Variants in HTR1F observed in about 807,000 individuals in gnomAD.
The protein encoded by HTR1F is 5-hydroxytryptamine (serotonin) receptor 1F, G protein-coupled.
A neutral mutation model predicts 24.0 loss-of-function variants in HTR1F; 17 were observed. The ratio of observed to expected loss-of-function variants is 0.71; its 90% confidence interval spans 0.48 to 1.06. The LOEUF (loss-of-function observed/expected upper bound fraction) is 1.06, where lower values mean the gene tolerates loss of function less well. Ranked by LOEUF, HTR1F falls within the 50% of genes least tolerant of loss-of-function variation. The pLI is 0.00. For synonymous variants in HTR1F, 186 were observed against 156.8 expected (o/e 1.19, Z -1.39); for missense variants, 391 against 427.8 (o/e 0.91, Z 0.76).
chr3:87,958,623 T>A (rs1428398070), intron 2 of HTR1F, among the ~76,000 whole-genome samples: 1 of 151,712 alleles, frequency 6.6e-6, no homozygotes, highest in Non-Finnish European at 1.5e-5. Flanking sequence ...AGATTGCTAA[T>A]GACTTTCTAA....
chr3:87,907,203 T>C (rs1463564479), intron 2 of HTR1F, among the ~76,000 whole-genome samples: 1 of 151,646 alleles, frequency 6.6e-6, no homozygotes, highest in Non-Finnish European at 1.5e-5. Flanking sequence ...ATTTATTTTT[T>C]TTTTTGATTA....
chr3:87,889,520 C>T (rs372366013), intron 2 of HTR1F, among the ~76,000 whole-genome samples: 9 of 151,856 alleles, frequency 5.9e-5, no homozygotes, highest in African/African-American at 2.2e-4. Context: ...TTTTTTCCTC[C>T]AAATTAGGAC....
intron 2 of HTR1F, among the ~76,000 whole-genome samples, chr3:87,937,377 T>G (rs1704450641): frequency 6.6e-6 from 1 of 152,174 alleles, no homozygotes; most frequent in South Asian, 2.1e-4. Flanking sequence ...ACGACATGAT[T>G]GTCTCAGTAG....
At chr3:87,877,916 C>T (rs1262458578) in intron 2 of HTR1F, among the ~76,000 whole-genome samples, 2 of 152,154 alleles carry the variant, frequency 1.3e-5, no homozygotes, top group African/African-American at 4.8e-5. Context: ...TCCAGACCTC[C>T]CACACAATGA....
At chr3:87,800,656 G>A (rs1313745667) in intron 1 of HTR1F, among the ~76,000 whole-genome samples, 1 of 152,158 alleles carries the variant, frequency 6.6e-6, no homozygotes, top group African/African-American at 2.4e-5. Context: ...GTAGTGCTCA[G>A]CACAAACAGC....
intron 2 of HTR1F, among the ~76,000 whole-genome samples, chr3:87,913,541 A>G (rs370034459): frequency 3.3e-5 from 5 of 152,316 alleles, no homozygotes; most frequent in Admixed American, 6.5e-5. Flanking sequence ...AAAGACCTAA[A>G]AATAGAAATA....
intron 2 of HTR1F, among the ~76,000 whole-genome samples, chr3:87,944,337 G>A (rs1704644336): frequency 6.6e-6 from 1 of 152,208 alleles, no homozygotes; most frequent in Non-Finnish European, 1.5e-5. Context: ...GATTGAGATA[G>A]TCTTTTTTGA....
At chr3:87,837,204 A>C (rs1704700735) in intron 2 of HTR1F, among the ~76,000 whole-genome samples, 1 of 152,160 alleles carries the variant, frequency 6.6e-6, no homozygotes, top group Admixed American at 6.6e-5. Context: ...AAAGAAGAAA[A>C]GGAATTTAGC....
At chr3:87,913,097 T>A (rs1703817099) in intron 2 of HTR1F, among the ~76,000 whole-genome samples, 1 of 152,110 alleles carries the variant, frequency 6.6e-6, no homozygotes, top group Admixed American at 6.6e-5. Flanking sequence ...TCGGACCTAA[T>A]TAAATTTAAG....
At chr3:87,934,275 T>A (rs949065731) in intron 2 of HTR1F, among the ~76,000 whole-genome samples, 2 of 152,200 alleles carry the variant, frequency 1.3e-5, no homozygotes, top group Non-Finnish European at 2.9e-5. Context: ...GAGTTTAACA[T>A]TGCCAAGCAC....
intron 1 of HTR1F, among the ~76,000 whole-genome samples, chr3:87,818,042 G>C (rs1003954295): frequency 1.2e-4 from 18 of 152,186 alleles, no homozygotes; most frequent in African/African-American, 3.9e-4. Context: ...ATCCTTGGTT[G>C]TTTTAATGAA....
chr3:87,882,689 A>C (rs1459583969), intron 2 of HTR1F, among the ~76,000 whole-genome samples: 8 of 123,170 alleles, frequency 6.5e-5, no homozygotes, highest in East Asian at 5.0e-4. Flanking sequence ...GGAACATCAC[A>C]CTCTGGGGAC....
intron 2 of HTR1F, among the ~76,000 whole-genome samples, chr3:87,978,642 A>G (rs1705452115): frequency 6.6e-6 from 1 of 151,880 alleles, no homozygotes; most frequent in African/African-American, 2.4e-5. Flanking sequence ...GGAGTCCAGG[A>G]GTGGATAGCT....
chr3:87,821,116 A>T (rs1201975659), intron 1 of HTR1F, among the ~76,000 whole-genome samples: 3 of 152,182 alleles, frequency 2.0e-5, no homozygotes. Context: ...AATACTAAAT[A>T]ATGAATGATG....
intron 2 of HTR1F, among the ~76,000 whole-genome samples, chr3:87,972,642 A>G (rs1377635961): frequency 6.6e-6 from 1 of 152,066 alleles, no homozygotes; most frequent in African/African-American, 2.4e-5. Flanking sequence ...AATCCCTTCT[A>G]AACCTCCTTT....
intron 2 of HTR1F, among the ~76,000 whole-genome samples, chr3:87,957,061 A>G: frequency 6.6e-6 from 1 of 151,306 alleles, no homozygotes; most frequent in Admixed American, 6.6e-5. Context: ...AGACTTTCAC[A>G]AGGAAACAGG....
At chr3:87,863,970 T>C (rs1705369667) in intron 2 of HTR1F, among the ~76,000 whole-genome samples, 1 of 152,206 alleles carries the variant, frequency 6.6e-6, no homozygotes. Flanking sequence ...TTCTAATGTC[T>C]AGAAGCTGCC....
rs2016224 is a variant in HTR1F at position 87,992,500 on chromosome 3, G to A, written c.*650G>A. The A allele has an allele frequency of 0.57, 95,653 of 166,740 alleles. 27,996 individuals carry two copies. The highest frequency in any genetic ancestry group is 0.73 in the South Asian group (3,537 of 4,820). 10.3% of individuals were successfully genotyped at this position (166,740 alleles called of 1,614,324 possible). On this transcript the variant is annotated 3_prime_UTR_variant, in exon 3 of 3. Transcript: ENST00000319595. ...AATACTGAACTTGTGCATATTTAAT[G>A]TATTATGTTTGATATAAACTTCTAG...
chr3:87,831,590 C>T (rs952497957), intron 2 of HTR1F, among the ~76,000 whole-genome samples: 2 of 151,912 alleles, frequency 1.3e-5, no homozygotes, highest in Admixed American at 1.3e-4. Context: ...TCTCGATTTC[C>T]TGACCTCGTG....
Sources: gnomAD v4.1 joint callset for allele counts (sites outside exome capture counted in the v4.1 genomes callset) on GRCh38, gnomAD v4.1.1 for gene constraint, MANE v1.5 for transcripts, NCBI Gene and HGNC (gene_info 2026-07-23, HGNC 2026-07-21) for gene names.